The following COMMD10 variants were observed in gnomAD, a reference collection of about 807,000 sequenced individuals.
COMMD10 encodes the protein COMM domain-containing protein 10.
Under a neutral mutation model 28.9 loss-of-function variants are expected in COMMD10, and 33 were observed. The observed-to-expected ratio is 1.14, with a 90% CI of 0.87 to 1.53. COMMD10 has a LOEUF of 1.53. Ranked by LOEUF, COMMD10 falls within the 40% of genes most tolerant of loss-of-function variation. The pLI is 0.00. For missense variants in COMMD10, 310 were observed against 233.4 expected, an observed-to-expected ratio of 1.33 and a Z score of -2.14; for synonymous variants, 110 against 81.7, an observed-to-expected ratio of 1.35 and a Z score of -1.87.
intron 5 of COMMD10, among the ~76,000 whole-genome samples, chr5:116,285,090 A>G (rs1227422289): frequency 6.6e-6 from 1 of 151,908 alleles, no homozygotes; most frequent in African/African-American, 2.4e-5. Context: ...GGAAAGCTGA[A>G]TGTGTTTTCC....
At chr5:116,111,668 G>T (rs1313111129) in intron 4 of COMMD10, among the ~76,000 whole-genome samples, 1 of 152,128 alleles carries the variant, frequency 6.6e-6, no homozygotes, top group Non-Finnish European at 1.5e-5. Flanking sequence ...TTAAAAATTT[G>T]TTGAGGCTTG....
At chr5:116,268,196 C>T (rs1001901702) in intron 5 of COMMD10, among the ~76,000 whole-genome samples, 1 of 151,848 alleles carries the variant, frequency 6.6e-6, no homozygotes, top group Non-Finnish European at 1.5e-5. Context: ...TTGCAATCTA[C>T]CCATCTGACA....
At chr5:116,255,252 A>G (rs1440112333) in intron 5 of COMMD10, among the ~76,000 whole-genome samples, 2 of 151,684 alleles carry the variant, frequency 1.3e-5, no homozygotes, top group East Asian at 3.9e-4. Context: ...CTCTTTATCC[A>G]ATTTGCCAGT....
intron 5 of COMMD10, among the ~76,000 whole-genome samples, chr5:116,137,516 C>T (rs895609543): frequency 3.3e-5 from 5 of 151,936 alleles, no homozygotes; most frequent in African/African-American, 7.2e-5. Flanking sequence ...GGTAGTTATC[C>T]TGAAAATATA....
At chr5:116,257,239 G>C (rs748534473) in intron 5 of COMMD10, among the ~76,000 whole-genome samples, 1 of 151,604 alleles carries the variant, frequency 6.6e-6, no homozygotes, top group Non-Finnish European at 1.5e-5. Context: ...TGTCATGTCA[G>C]TGCTCAAAAA....
At chr5:116,236,584 CAAGCCA>C (rs1049036019) in intron 5 of COMMD10, among the ~76,000 whole-genome samples, 2 of 150,778 alleles carry the variant, frequency 1.3e-5, no homozygotes. Flanking sequence ...ATTACTAACT[CAAGCCA>C]ATGTGAAAAG....
chr5:116,170,435 C>T (rs910225281), intron 5 of COMMD10, among the ~76,000 whole-genome samples: 7 of 152,182 alleles, frequency 4.6e-5, no homozygotes, highest in Admixed American at 3.9e-4. Context: ...GATTCAGTGC[C>T]ATCCCCATCA....
chr5:116,150,426 G>A (rs1471489465), intron 5 of COMMD10, among the ~76,000 whole-genome samples: 4 of 152,128 alleles, frequency 2.6e-5, no homozygotes, highest in African/African-American at 4.8e-5. Flanking sequence ...GGATGGCATT[G>A]AATGTATAAA....
chr5:116,111,327 C>T (rs1424684059), intron 4 of COMMD10, among the ~76,000 whole-genome samples: 3 of 149,998 alleles, frequency 2.0e-5, no homozygotes, highest in Admixed American at 2.0e-4. Context: ...TTGGTTCGTT[C>T]TTGCTTTTCT....
At position 116,231,152 on chromosome 5, in the gene COMMD10, A is replaced by T. The variant is rs576134788; in HGVS notation, c.511-60365A>T. On this transcript the variant is annotated intron_variant, in intron 5 of 6. Transcript: ENST00000274458. ...GATGTTCTAAAATAAGGTCAAGCTGATTCTACATCCTATTGGTGGTAGGTG... is the reference window on the plus strand; with the variant it reads ...GATGTTCTAAAATAAGGTCAAGCTGTTTCTACATCCTATTGGTGGTAGGTG... 2.0e-5 allele frequency among the ~76,000 whole-genome samples: 3 copies of T among 152,272 alleles called. No homozygotes were observed. The South Asian group carries it at 6.2e-4, about 32-fold the overall frequency.
intron 5 of COMMD10, among the ~76,000 whole-genome samples, chr5:116,258,041 T>A (rs1750340110): frequency 6.6e-6 from 1 of 151,782 alleles, no homozygotes; most frequent in Non-Finnish European, 1.5e-5. Context: ...TAATGGTGAA[T>A]GATGTTTCCA....
intron 4 of COMMD10, among the ~76,000 whole-genome samples, chr5:116,115,864 A>G (rs113605782): frequency 8.8e-4 from 134 of 152,314 alleles, no homozygotes; most frequent in African/African-American, 3.1e-3. Context: ...TGTAAATAAT[A>G]TTTTAAGCAC....
intron 5 of COMMD10, among the ~76,000 whole-genome samples, chr5:116,286,588 C>G (rs201600973): frequency 6.6e-6 from 1 of 151,486 alleles, no homozygotes; most frequent in East Asian, 1.9e-4. Flanking sequence ...AAGATATTTC[C>G]CAGTTCCAGT....
At chr5:116,147,110 A>C (rs910033957) in intron 5 of COMMD10, among the ~76,000 whole-genome samples, 1 of 151,738 alleles carries the variant, frequency 6.6e-6, no homozygotes, top group African/African-American at 2.4e-5. Context: ...TTTAGCATCA[A>C]CCCAGCACCA....
At chr5:116,115,989 T>G (rs1751221618) in intron 4 of COMMD10, among the ~76,000 whole-genome samples, 1 of 152,204 alleles carries the variant, frequency 6.6e-6, no homozygotes, top group Non-Finnish European at 1.5e-5. Context: ...TTTGAATGTT[T>G]AGAATGTGTT....
At chr5:116,279,452 C>G (rs2112706401) in intron 5 of COMMD10, among the ~76,000 whole-genome samples, 1 of 151,882 alleles carries the variant, frequency 6.6e-6, no homozygotes, top group South Asian at 2.1e-4. Flanking sequence ...GATGTAAGCT[C>G]AGGAGTTTCC....
At chr5:116,190,356 GCAGTGA>G (rs1321387750) in intron 5 of COMMD10, among the ~76,000 whole-genome samples, 1 of 152,138 alleles carries the variant, frequency 6.6e-6, no homozygotes, top group Non-Finnish European at 1.5e-5. Context: ...GGAACAGATA[GCAGTGA>G]CAGTGTATGT....
chr5:116,257,024 T>G (rs145203407), intron 5 of COMMD10, among the ~76,000 whole-genome samples: 128 of 151,936 alleles, frequency 8.4e-4, no homozygotes, highest in Admixed American at 2.2e-3. Flanking sequence ...TTTCATACTT[T>G]ACCTACAGTG....
intron 5 of COMMD10, among the ~76,000 whole-genome samples, chr5:116,260,616 A>G (rs1750418136): frequency 6.6e-6 from 1 of 151,870 alleles, no homozygotes; most frequent in Non-Finnish European, 1.5e-5. Flanking sequence ...ATTTAGTAAA[A>G]ACAGAGTATT....
Sources: gnomAD v4.1 joint callset for allele counts (sites outside exome capture counted in the v4.1 genomes callset) on GRCh38, gnomAD v4.1.1 for gene constraint, MANE v1.5 for transcripts, NCBI Gene and HGNC (gene_info 2026-07-23, HGNC 2026-07-21) for gene names.